UTP18: variants seen among roughly 807,000 people sequenced by gnomAD.
The protein encoded by UTP18 is U3 small nucleolar RNA-associated protein 18 homolog.
In UTP18, 36 loss-of-function variants were observed where a neutral mutation model predicts 61.1. The ratio of observed to expected loss-of-function variants is 0.59; its 90% CI spans 0.45 to 0.78. UTP18 has a LOEUF of 0.78. UTP18 is among the 30% of genes least tolerant of loss of function. UTP18 has a pLI of 0.00. For synonymous variants in UTP18, 282 were observed against 251.1 expected (o/e 1.12, Z -1.16); for missense variants, 753 against 693.9 (o/e 1.09, Z -0.96).
At chr17:51,291,511 G>A (rs1473416465) in intron 11 of UTP18, among the ~76,000 whole-genome samples, 7 of 152,104 alleles carry the variant, frequency 4.6e-5, no homozygotes, top group Admixed American at 1.3e-4. Context: ...AAGGTGAGAG[G>A]ATCACTTGAG....
At position 51,260,570 on chromosome 17, in the gene UTP18, T is replaced by C; in HGVS notation, c.-15T>C. 2 of 1,604,422 alleles carry C rather than the reference T, an allele frequency of 1.2e-6. No individual in the cohort carries two copies. The highest frequency in any genetic ancestry group is 1.7e-6 in the Non-Finnish European group (2 of 1,176,986). ...GGTTCCACGTGAGCGCCTGCGTTTC[T>C]CCTCAAACCTAACGATGCCGCCGGA... On this transcript the variant is annotated 5_prime_UTR_variant, in exon 1 of 14. Transcript: ENST00000225298.
intron 4 of UTP18, among the ~76,000 whole-genome samples, chr17:51,269,294 CAAAAAAAAAAAAAA>C (rs58681434): frequency 9.9e-4 from 66 of 66,666 alleles, no homozygotes; most frequent in Admixed American, 2.8e-3. Context: ...GACTCTGTCT[CAAAAAAAAAAAAAA>C]AAAAAAAAAA....
chr17:51,271,842 A>G (rs556918016), intron 4 of UTP18, among the ~76,000 whole-genome samples: 1 of 151,486 alleles, frequency 6.6e-6, no homozygotes, highest in Admixed American at 6.6e-5. Flanking sequence ...TAATTTTTGT[A>G]TTTTTAGTAG....
intron 2 of UTP18, among the ~76,000 whole-genome samples, chr17:51,263,755 G>T (rs1199823533): frequency 6.6e-6 from 1 of 152,224 alleles, no homozygotes; most frequent in East Asian, 1.9e-4. Flanking sequence ...GAATTTTGTT[G>T]GGATTAAACA....
chr17:51,293,872 A>T lies in UTP18; in HGVS notation c.1504-31A>T, dbSNP rs771287169. On this transcript the variant is annotated intron_variant, in intron 11 of 13. Coordinates refer to ENST00000225298, the MANE Select transcript of UTP18 (RefSeq NM_016001.3). ...TAAGAAACATGAGCTCCCAGTTGTT[A>T]CACTTTAAAGTTTTTTATTATCTCC... is the stretch of plus-strand genomic sequence containing the variant. The T allele has an allele frequency of 1.1e-5, 17 of 1,487,616 alleles. No homozygotes were observed. The African/African-American group carries it at 2.3e-4, about 20-fold the overall frequency. 92.2% of individuals were successfully genotyped at this position (1,487,616 alleles called of 1,614,324 possible). A position where few individuals can be genotyped will look rare whatever the true frequency, so the allele number is the denominator to read the frequency against.
rs369956662 is a variant in UTP18, at chr17:51,260,740, C to T, written c.156C>T (p.Ala52=). The T allele has an allele frequency of 3.9e-3, 6,172 of 1,588,190 alleles. 24 individuals carry two copies. Among genetic ancestry groups the T allele is most frequent in the Middle Eastern group, 6.2e-3 (34 of 5,464 alleles). The change falls in exon 1 of 14, where the codon GCC becomes GCT. Residue 52 remains alanine, a synonymous_variant. Coordinates refer to ENST00000225298, the MANE Select transcript of UTP18 (RefSeq NM_016001.3). The part of the protein sequence containing the change: ...PAPSSQRKPP[A]RPSAAAAAIA... ...CTTCATCCCAGCGGAAACCGCCGGC[C>T]CGGCCGAGCGCGGCGGCCGCTGCGA...
At chr17:51,264,780 T>C (rs2055543332) in intron 2 of UTP18, among the ~76,000 whole-genome samples, 1 of 151,896 alleles carries the variant, frequency 6.6e-6, no homozygotes, top group African/African-American at 2.4e-5. Flanking sequence ...CCTCCCAGGT[T>C]CAAGCGATTC....
At chr17:51,262,189 C>G (rs991595952) in intron 1 of UTP18, among the ~76,000 whole-genome samples, 5 of 151,756 alleles carry the variant, frequency 3.3e-5, no homozygotes, top group African/African-American at 4.8e-5. Context: ...TCAAGCGATT[C>G]TCCTGCCTCA....
intron 5 of UTP18, among the ~76,000 whole-genome samples, chr17:51,275,621 T>C (rs891243162): frequency 1.3e-5 from 2 of 152,230 alleles, no homozygotes; most frequent in Non-Finnish European, 2.9e-5. Context: ...GAAAGCACTT[T>C]AATGATTTAA....
chr17:51,289,615 G>C (rs1905197374), intron 11 of UTP18, among the ~76,000 whole-genome samples: 1 of 152,118 alleles, frequency 6.6e-6, no homozygotes, highest in African/African-American at 2.4e-5. Flanking sequence ...CTAATCTTCA[G>C]GCAGAGCCAA....
intron 11 of UTP18, among the ~76,000 whole-genome samples, chr17:51,292,288 T>C (rs868429431): frequency 7.9e-5 from 12 of 152,250 alleles, no homozygotes; most frequent in African/African-American, 2.4e-4. Flanking sequence ...ATTGGGGTAC[T>C]GCCAACTTCT....
Position 51,276,171 on chromosome 17 carries a change from A to C in UTP18, c.837+180A>C, listed in dbSNP as rs188759405. On this transcript the variant is annotated intron_variant, in intron 6 of 13. Transcript: ENST00000225298. Reference sequence around the variant, plus strand: ...TCATTTACTTGGAAATACAAAACAGAACATCCAGTCAGCATACTGCCCTTG... The same window carrying C: ...TCATTTACTTGGAAATACAAAACAGCACATCCAGTCAGCATACTGCCCTTG... 8.5e-4 allele frequency among the ~76,000 whole-genome samples: 129 copies of C among 152,314 alleles called. 2 individuals carry two copies. Among genetic ancestry groups the C allele is most frequent in the Non-Finnish European group, 1.5e-3 (104 of 68,028 alleles).
chr17:51,269,028 T>C lies in UTP18; in HGVS notation c.622+124T>C, dbSNP rs1051411372. ...CTTGCCTGGCTCGGTAGCTCACGCC[T>C]GTCATCCCAGTGCTTTGGGAGCCCG... On this transcript the variant is annotated intron_variant, in intron 4 of 13. Transcript: ENST00000225298. 5.3e-5 allele frequency: 50 copies of C among 937,420 alleles called. 1 individual carries two copies. In the South Asian group the frequency reaches 5.9e-4, roughly 11 times the overall value. The allele number at this position is 937,420 out of a possible 1,614,324, so 58.1% of individuals were successfully genotyped here.
At chr17:51,293,662 C>T (rs907626359) in intron 11 of UTP18, among the ~76,000 whole-genome samples, 1 of 152,120 alleles carries the variant, frequency 6.6e-6, no homozygotes, top group Admixed American at 6.6e-5. Context: ...CAGACTTCAC[C>T]ACTGTGCAAG....
chr17:51,264,148 T>C (rs986812235), intron 2 of UTP18, among the ~76,000 whole-genome samples: 1 of 152,044 alleles, frequency 6.6e-6, no homozygotes, highest in African/African-American at 2.4e-5. Flanking sequence ...GCGATTCTCC[T>C]GCCTCAGCCT....
intron 4 of UTP18, among the ~76,000 whole-genome samples, chr17:51,271,768 A>G (rs752011271): frequency 1.3e-5 from 2 of 151,950 alleles, no homozygotes; most frequent in Non-Finnish European, 2.9e-5. Flanking sequence ...CCTGAGTTCA[A>G]ATGATTCTCC....
intron 5 of UTP18, among the ~76,000 whole-genome samples, chr17:51,274,922 G>A (rs987521852): frequency 6.6e-6 from 1 of 151,692 alleles, no homozygotes; most frequent in Non-Finnish European, 1.5e-5. Flanking sequence ...ACATGGCCGG[G>A]CGCAGTGGCT....
intron 11 of UTP18, among the ~76,000 whole-genome samples, chr17:51,289,189 CTGTTTTTTT>C (rs767997396): frequency 1.8e-4 from 23 of 125,702 alleles, no homozygotes; most frequent in Non-Finnish European, 3.4e-4. Context: ...GCAGACCTTT[CTGTTTTTTT>C]TGTTTTTTTT....
intron 9 of UTP18, among the ~76,000 whole-genome samples, chr17:51,281,727 G>A (rs1456434994): frequency 6.6e-6 from 1 of 152,124 alleles, no homozygotes; most frequent in Non-Finnish European, 1.5e-5. Context: ...ACATTGGGGG[G>A]GAACTGGTAA....
Sources: gnomAD v4.1 joint callset for allele counts (sites outside exome capture counted in the v4.1 genomes callset) on GRCh38, gnomAD v4.1.1 for gene constraint, MANE v1.5 for transcripts, NCBI Gene and HGNC (gene_info 2026-07-23, HGNC 2026-07-21) for gene names.